The following ZC3H3 variants were observed in gnomAD, a reference collection of about 807,000 sequenced individuals.
ZC3H3 encodes zinc finger CCCH-type containing 3.
Under a neutral mutation model 77.3 loss-of-function variants are expected in ZC3H3, and 36 were observed. The observed-to-expected ratio is 0.47, with a 90% CI of 0.36 to 0.61. The LOEUF (loss-of-function observed/expected upper bound fraction) is 0.61. Among genes scored for constraint, ZC3H3 ranks in the 20% least tolerant of loss-of-function variants. The pLI is 0.00. For synonymous variants in ZC3H3, 626 were observed against 555.2 expected (o/e 1.13, Z -1.79); for missense variants, 1,331 against 1,312.2 (o/e 1.01, Z -0.22).
At chr8:143,535,553 C>A (rs1255694976) in intron 3 of ZC3H3, among the ~76,000 whole-genome samples, 2 of 152,218 alleles carry the variant, frequency 1.3e-5, no homozygotes, top group Non-Finnish European at 2.9e-5. Flanking sequence ...GGGTGCCACA[C>A]CCAAGGGCTC....
intron 3 of ZC3H3, among the ~76,000 whole-genome samples, chr8:143,519,869 C>T (rs1822185160): frequency 6.6e-6 from 1 of 152,192 alleles, no homozygotes; most frequent in Non-Finnish European, 1.5e-5. Context: ...GGTGCCCTGC[C>T]CTGTGGGAAG....
intron 4 of ZC3H3, among the ~76,000 whole-genome samples, chr8:143,476,582 G>A (rs953294991): frequency 3.3e-5 from 5 of 152,172 alleles, no homozygotes; most frequent in Non-Finnish European, 5.9e-5. Flanking sequence ...GGGGGGCTCA[G>A]GGCCTGGCAA....
At chr8:143,457,001 ATAGT>A (rs1223326637) in intron 9 of ZC3H3, among the ~76,000 whole-genome samples, 2 of 152,258 alleles carry the variant, frequency 1.3e-5, no homozygotes, top group African/African-American at 4.8e-5. Context: ...ATCCACAATT[ATAGT>A]TAGAGACTTC....
At chr8:143,503,710 C>T (rs141432057) in intron 4 of ZC3H3, among the ~76,000 whole-genome samples, 8,141 of 147,800 alleles carry the variant, frequency 0.055, 324 homozygotes, top group South Asian at 0.12. Context: ...AGCACCCAGC[C>T]GGCTCCACCA....
intron 3 of ZC3H3, among the ~76,000 whole-genome samples, chr8:143,515,165 T>A (rs1405014436): frequency 6.6e-6 from 1 of 152,226 alleles, no homozygotes; most frequent in African/African-American, 2.4e-5. Context: ...CGCTCCCCGA[T>A]CCGGAAGCCC....
intron 4 of ZC3H3, among the ~76,000 whole-genome samples, chr8:143,504,077 T>C (rs1821614304): frequency 7.1e-6 from 1 of 140,702 alleles, no homozygotes; most frequent in Non-Finnish European, 1.6e-5. Context: ...CCTCCTTCCC[T>C]CGGGCTGCAG....
chr8:143,541,237 C>A, intron 1 of ZC3H3, 139 bp downstream of exon 1: 2 of 1,480,412 alleles, frequency 1.4e-6, no homozygotes, highest in South Asian at 1.3e-5. Flanking sequence ...CAAGTCCTGG[C>A]GGACCCTACC....
intron 4 of ZC3H3, among the ~76,000 whole-genome samples, chr8:143,482,559 C>T (rs1419260461): frequency 1.3e-5 from 2 of 152,100 alleles, no homozygotes; most frequent in African/African-American, 4.8e-5. Context: ...GAGGTGGCTG[C>T]CAGGGCTTGG....
chr8:143,529,072 TC>T (rs1671086032), intron 3 of ZC3H3, among the ~76,000 whole-genome samples: 1 of 152,118 alleles, frequency 6.6e-6, no homozygotes, highest in South Asian at 2.1e-4. Context: ...CCTCACAGAC[TC>T]CCGAATGAGG....
In ZC3H3 at chr8:143,475,548, C is replaced by T. The variant is rs772856401; in HGVS notation, c.1753G>A (p.Gly585Arg). The T allele has an allele frequency of 7.5e-6, 12 of 1,609,424 alleles. No homozygotes were observed. The highest frequency in any genetic ancestry group is 5.1e-5 in the Admixed American group (3 of 59,376). ...VLNRLRPVAS[G>R]GGKAQPGSPW... ...GAGCCCGGTTGGGCTTTCCCACCCC[C>T]GCTGGCAACTGGACGCAGGCGGTTC... is the stretch of plus-strand genomic sequence containing the variant. The change falls in exon 5 of 12, where the codon GGG becomes AGG. Residue 585 changes from glycine (G) to arginine (R), a missense_variant. This residue lies in a region of ZC3H3 where 978 missense variants were observed against 915.5 expected (regional missense o/e 1.07). Coordinates refer to ENST00000262577, the MANE Select transcript of ZC3H3 (RefSeq NM_015117.3).
rs192241910 is a variant in ZC3H3 at position 143,455,087 on chromosome 8, G to A, written c.2307+10630C>T. Among the ~76,000 whole-genome samples, 27 of 151,686 alleles carry A rather than the reference G, an allele frequency of 1.8e-4. No homozygotes were observed. In the East Asian group the frequency reaches 4.9e-3, roughly 27 times the overall value. On this transcript the variant is annotated intron_variant, in intron 9 of 11. Transcript: ENST00000262577. ...TCCCTGCACTTTGGGAGGCCAAGAC[G>A]GGTGGATCAGGGGGTCAGGAGTTCG...
intron 3 of ZC3H3, among the ~76,000 whole-genome samples, chr8:143,510,954 C>G (rs1193664083): frequency 1.3e-5 from 2 of 152,242 alleles, no homozygotes; most frequent in African/African-American, 4.8e-5. Context: ...CTCTGCCCGC[C>G]ATCAAGAGGT....
intron 3 of ZC3H3, among the ~76,000 whole-genome samples, chr8:143,517,310 G>A (rs1822090578): frequency 6.6e-6 from 1 of 152,158 alleles, no homozygotes; most frequent in Admixed American, 6.5e-5. Context: ...GAAGGGAGGG[G>A]GCCTCCCTGC....
intron 9 of ZC3H3, among the ~76,000 whole-genome samples, chr8:143,461,623 G>T (rs1820265247): frequency 6.6e-6 from 1 of 152,182 alleles, no homozygotes; most frequent in Non-Finnish European, 1.5e-5. Context: ...CAAAGAAAGT[G>T]TGGAGAGCCT....
Position 143,536,241 on chromosome 8 carries a change from C to T in ZC3H3, c.1561+16G>A, listed in dbSNP as rs1323424045. On this transcript the variant is annotated intron_variant, in intron 3 of 11. Coordinates refer to ENST00000262577, the MANE Select transcript of ZC3H3 (RefSeq NM_015117.3). ...AGGCCCAGCCCCAGTGCCCAGCGCC[C>T]CTGCTCCCAGCATACCTTCCTTGGT... 9 of 1,605,572 alleles carry T rather than the reference C, an allele frequency of 5.6e-6. No individual in the cohort carries two copies. The highest frequency in any genetic ancestry group is 6.8e-6 in the Non-Finnish European group (8 of 1,177,956).
At chr8:143,442,561 C>A (rs891340602) in intron 9 of ZC3H3, among the ~76,000 whole-genome samples, 1 of 152,102 alleles carries the variant, frequency 6.6e-6, no homozygotes, top group Non-Finnish European at 1.5e-5. Context: ...AGGGGCAGGA[C>A]TGCAGGCATT....
chr8:143,459,917 CCA>C (rs2129845391), intron 9 of ZC3H3, among the ~76,000 whole-genome samples: 1 of 152,130 alleles, frequency 6.6e-6, no homozygotes, highest in East Asian at 1.9e-4. Flanking sequence ...ACAAGGATGC[CCA>C]CAGTTGCCAT....
At position 143,533,663 on chromosome 8, in the gene ZC3H3, T is replaced by C. The variant is rs1178432761; in HGVS notation, c.1561+2594A>G. 6.9e-6 allele frequency among the ~76,000 whole-genome samples: 1 copy of C among 145,920 alleles called. No individual in the cohort carries two copies. The highest frequency in any genetic ancestry group is 1.5e-5 in the Non-Finnish European group (1 of 66,824). On this transcript the variant is annotated intron_variant, in intron 3 of 11. Transcript: ENST00000262577. This position sits in a 1 kb window ranked among gnomAD's most constrained non-coding sequence, Gnocchi z 4.0. Reference sequence around the variant, plus strand: ...CTCAGACAGGACCCTCTCCTCTCACTCCATGCAGCCGCCACGCTGGTCTTT... The same window carrying C: ...CTCAGACAGGACCCTCTCCTCTCACCCCATGCAGCCGCCACGCTGGTCTTT...
intron 4 of ZC3H3, among the ~76,000 whole-genome samples, chr8:143,501,291 C>G (rs1821518004): frequency 6.6e-6 from 1 of 152,162 alleles, no homozygotes; most frequent in Non-Finnish European, 1.5e-5. Context: ...GCCTCAACCT[C>G]CTGGGTTCAA....
Sources: gnomAD v4.1 joint callset for allele counts (sites outside exome capture counted in the v4.1 genomes callset) on GRCh38, gnomAD v4.1.1 for gene constraint, gnomAD v4.1.1 regional missense constraint, Gnocchi (gnomAD v3.1) non-coding constraint, MANE v1.5 for transcripts, NCBI Gene and HGNC (gene_info 2026-07-23, HGNC 2026-07-21) for gene names.